INSL6: variants seen among roughly 807,000 people sequenced by gnomAD.
INSL6 encodes insulin-like peptide INSL6.
In INSL6, 16 loss-of-function variants were observed where a neutral mutation model predicts 9.4. That is an observed-to-expected ratio of 1.70 (90% CI 1.15 to 2.59). The LOEUF (loss-of-function observed/expected upper bound fraction) is 2.59, where lower values mean the gene tolerates loss of function less well. Ranked by LOEUF, INSL6 falls within the 30% of genes most tolerant of loss-of-function variation. The pLI is 0.00. For synonymous variants in INSL6, 154 were observed against 96.9 expected (o/e 1.59, Z -3.46); for missense variants, 391 against 257.3 (o/e 1.52, Z -3.56).
the INSL6 span, among the ~76,000 whole-genome samples, chr9:5,066,189 T>A: frequency 3.3e-5 from 5 of 152,248 alleles, no homozygotes; most frequent in East Asian, 9.6e-4. Flanking sequence ...ACATAAAAAA[T>A]TTTAAAAACC....
the INSL6 span, among the ~76,000 whole-genome samples, chr9:5,030,501 A>T: frequency 6.6e-6 from 1 of 152,164 alleles, no homozygotes; most frequent in Non-Finnish European, 1.5e-5. Flanking sequence ...TATATAATTC[A>T]TCATAACTTC....
At chr9:5,122,988 A>C (rs918865187), downstream of INSL6, 2 of 1,499,620 alleles carry the variant, frequency 1.3e-6, no homozygotes, top group Non-Finnish European at 1.8e-6. Context: ...TTTAAATGTT[A>C]TTCATATATT....
chr9:5,176,158 C>T (rs1474808156), intron 1 of INSL6, among the ~76,000 whole-genome samples: 4 of 152,188 alleles, frequency 2.6e-5, no homozygotes, highest in Non-Finnish European at 5.9e-5. Context: ...TCCCTGTATA[C>T]ATCAGGCAGA....
chr9:5,116,383 T>G, the INSL6 span, among the ~76,000 whole-genome samples: 307 of 152,352 alleles, frequency 2.0e-3, 1 homozygote, highest in African/African-American at 7.0e-3. Flanking sequence ...AAATACTTTT[T>G]GAGGAAATGT....
the INSL6 span, among the ~76,000 whole-genome samples, chr9:5,016,987 C>A: frequency 6.6e-6 from 1 of 152,106 alleles, no homozygotes; most frequent in Admixed American, 6.5e-5. Context: ...CATTTTTGAT[C>A]AAGATAAAGA....
chr9:5,029,880 C>G, the INSL6 span: 1 of 1,612,278 alleles, frequency 6.2e-7, no homozygotes, highest in East Asian at 2.2e-5. Flanking sequence ...ATGAGTCAAC[C>G]AGGCATAATG....
At chr9:5,063,496 T>A in the INSL6 span, among the ~76,000 whole-genome samples, 1 of 152,316 alleles carries the variant, frequency 6.6e-6, no homozygotes, top group African/African-American at 2.4e-5. Context: ...TGTTTTCATC[T>A]CTCTTATATT....
At chr9:5,173,860 T>C (rs1006208247) in intron 1 of INSL6, among the ~76,000 whole-genome samples, 2 of 152,088 alleles carry the variant, frequency 1.3e-5, no homozygotes, top group African/African-American at 4.8e-5. Context: ...TAGTTTACCA[T>C]GTTAATAGAC....
the INSL6 span, among the ~76,000 whole-genome samples, chr9:4,998,783 C>A: frequency 6.6e-6 from 1 of 151,738 alleles, no homozygotes; most frequent in Non-Finnish European, 1.5e-5. Context: ...AAAAGGGATA[C>A]ATTTTGCAGA....
At chr9:5,088,542 CA>C in the INSL6 span, among the ~76,000 whole-genome samples, 77,537 of 149,922 alleles carry the variant, frequency 0.52, 19,969 homozygotes, top group Admixed American at 0.52. Context: ...AAGACATCTT[CA>C]AAAAAAAAAA....
the INSL6 span, among the ~76,000 whole-genome samples, chr9:5,103,049 A>G: frequency 6.6e-6 from 1 of 151,936 alleles, no homozygotes; most frequent in Non-Finnish European, 1.5e-5. Flanking sequence ...TAACAATATT[A>G]ACCTTAAATG....
At chr9:5,137,904 A>G (rs749686895) in intron 2 of INSL6, among the ~76,000 whole-genome samples, 8 of 151,618 alleles carry the variant, frequency 5.3e-5, no homozygotes, top group Non-Finnish European at 1.0e-4. Flanking sequence ...AAAAAAACCC[A>G]TAAAAAAGTA....
At chr9:5,010,767 A>C in the INSL6 span, among the ~76,000 whole-genome samples, 3 of 152,160 alleles carry the variant, frequency 2.0e-5, no homozygotes, top group Admixed American at 6.5e-5. Context: ...TTTCTTTATC[A>C]GTTCTTGAGT....
the INSL6 span, chr9:5,100,677 C>T: frequency 1.3e-5 from 2 of 152,196 alleles, no homozygotes. Context: ...TACTTCGGCT[C>T]ATCACAGCCT....
chr9:5,123,964 G>T (rs922228560), exon 4 of INSL6, among the ~76,000 whole-genome samples: 2 of 151,074 alleles, frequency 1.3e-5, no homozygotes, highest in African/African-American at 4.9e-5. Context: ...CTGGTGATTA[G>T]TGATTAGCAT....
chr9:5,086,159 G>A, the INSL6 span: 2 of 355,586 alleles, frequency 5.6e-6, no homozygotes, highest in Non-Finnish European at 8.9e-6. Flanking sequence ...CTCGGGGAGC[G>A]GTCTCCACGC....
chr9:5,048,434 C>T, the INSL6 span, among the ~76,000 whole-genome samples: 2 of 152,170 alleles, frequency 1.3e-5, no homozygotes, highest in East Asian at 3.8e-4. Flanking sequence ...AGCCACTGCA[C>T]CCAGCCCATC....
chr9:5,088,237 C>T, the INSL6 span, among the ~76,000 whole-genome samples: 1 of 152,000 alleles, frequency 6.6e-6, no homozygotes, highest in African/African-American at 2.4e-5. Context: ...CTTGAGAGTC[C>T]TGGGTCTATC....
chr9:5,053,558 T>A, the INSL6 span, among the ~76,000 whole-genome samples: 1 of 152,164 alleles, frequency 6.6e-6, no homozygotes, highest in South Asian at 2.1e-4. Context: ...CATGGATGTC[T>A]TTCTTGGTTT....
Sources: gnomAD v4.1 joint callset for allele counts (sites outside exome capture counted in the v4.1 genomes callset) on GRCh38, gnomAD v4.1.1 for gene constraint, MANE v1.5 for transcripts, NCBI Gene and HGNC (gene_info 2026-07-23, HGNC 2026-07-21) for gene names.